The following ARFGAP3 variants were observed in gnomAD, a reference collection of about 807,000 sequenced individuals.
ARFGAP3 encodes the protein ARF GTPase activating protein 3.
A neutral mutation model predicts 75.0 loss-of-function variants in ARFGAP3; 72 were observed. The ratio of observed to expected loss-of-function variants is 0.96; its 90% CI spans 0.79 to 1.17. The LOEUF (loss-of-function observed/expected upper bound fraction) is 1.17, where lower values mean the gene tolerates loss of function less well. ARFGAP3 is among the 50% of genes most tolerant of loss of function. ARFGAP3 has a pLI of 0.00. For missense variants in ARFGAP3, 620 were observed against 626.6 expected, an observed-to-expected ratio of 0.99 and a Z score of 0.11; for synonymous variants, 221 against 217.9, an observed-to-expected ratio of 1.01 and a Z score of -0.13.
intron 14 of ARFGAP3, among the ~76,000 whole-genome samples, chr22:42,801,076 CAGGT>C (rs138986093): frequency 0.034 from 5,238 of 152,226 alleles, 287 homozygotes; most frequent in African/African-American, 0.12. Context: ...AGAGCAAACT[CAGGT>C]AGACAGCTGG....
At chr22:42,842,206 T>C (rs1257246407) in intron 2 of ARFGAP3, among the ~76,000 whole-genome samples, 2 of 151,792 alleles carry the variant, frequency 1.3e-5, no homozygotes, top group South Asian at 2.1e-4. Context: ...GGTTTCTTCA[T>C]GTTGGTCAGG....
chr22:42,841,042 G>A, intron 2 of ARFGAP3, 26 bp from the exon 3 acceptor site: 1 of 1,606,078 alleles, frequency 6.2e-7, no homozygotes, highest in Non-Finnish European at 8.5e-7. Flanking sequence ...ATTACTAACT[G>A]TTAATATTTT....
rs1926755914 is a variant in ARFGAP3, at chr22:42,840,964, C to T, written c.241G>A (p.Val81Ile). 1.9e-6 allele frequency: 3 copies of T among 1,614,064 alleles called. No individual in the cohort carries two copies. The highest frequency in any genetic ancestry group is 2.2e-5 in the East Asian group (1 of 44,902). ...CTTACTGCACTAGCGTTTCCTCCGA[C>T]TTGCATGCATCGCAACTGAAACCAT... ...WSWFQLRCMQ[V>I]GGNASASSFF... Residue 81 changes from valine (V) to isoleucine (I), a missense_variant, in exon 3 of 16, where the codon GTC becomes ATC. Val to Ile is a conservative substitution (Grantham distance 29, BLOSUM62 3). Transcript: ENST00000263245.
At chr22:42,842,974 C>A (rs569567403) in intron 2 of ARFGAP3, among the ~76,000 whole-genome samples, 1 of 152,146 alleles carries the variant, frequency 6.6e-6, no homozygotes, top group South Asian at 2.1e-4. Flanking sequence ...ACACCCTGTA[C>A]GGCAGGTCCT....
intron 14 of ARFGAP3, among the ~76,000 whole-genome samples, chr22:42,804,439 C>T (rs1437128556): frequency 8.8e-5 from 12 of 136,954 alleles, no homozygotes; most frequent in African/African-American, 1.4e-4. Flanking sequence ...TGGAGTGCAG[C>T]GGTGTGATCT....
intron 9 of ARFGAP3, among the ~76,000 whole-genome samples, chr22:42,820,481 C>A (rs149194906): frequency 2.0e-5 from 3 of 152,152 alleles, no homozygotes; most frequent in Non-Finnish European, 4.4e-5. Flanking sequence ...TAAGACAGTA[C>A]GAAAAGTAGT....
chr22:42,834,119 G>T, intron 5 of ARFGAP3, 123 bp downstream of exon 5: 1 of 855,622 alleles, frequency 1.2e-6, no homozygotes, highest in Non-Finnish European at 1.9e-6. Context: ...TCTCTCTTCA[G>T]TAGTTATGTT....
At chr22:42,820,191 A>T (rs1468129619) in intron 9 of ARFGAP3, among the ~76,000 whole-genome samples, 1 of 152,230 alleles carries the variant, frequency 6.6e-6, no homozygotes, top group African/African-American at 2.4e-5. Flanking sequence ...ATCTGGACAG[A>T]GCCTACTCCC....
chr22:42,804,055 CA>C (rs1321463844), intron 14 of ARFGAP3, among the ~76,000 whole-genome samples: 2 of 151,596 alleles, frequency 1.3e-5, no homozygotes, highest in African/African-American at 4.9e-5. Flanking sequence ...AGGTGTGCAC[CA>C]CCATGCCTGG....
chr22:42,834,464 C>T, intron 4 of ARFGAP3, 139 bp from the exon 5 acceptor site: 9 of 1,435,878 alleles, frequency 6.3e-6, no homozygotes, highest in Non-Finnish European at 8.3e-6. Flanking sequence ...AACATCCCTA[C>T]AGAGGACCTC....
chr22:42,841,865 C>CT (rs5845565), intron 2 of ARFGAP3, among the ~76,000 whole-genome samples: 7,077 of 137,722 alleles, frequency 0.051, 194 homozygotes, highest in African/African-American at 0.057. Flanking sequence ...TTACTAATTT[C>CT]TTTTTTTTTT....
intron 3 of ARFGAP3, among the ~76,000 whole-genome samples, chr22:42,839,972 C>T (rs9611930): frequency 0.37 from 55,861 of 151,990 alleles, 11,145 homozygotes; most frequent in Non-Finnish European, 0.45. Flanking sequence ...ACTCTATCAA[C>T]CAGGCTGGAG....
rs1194080131 is a variant in ARFGAP3 at position 42,857,163 on chromosome 22, T to C, written c.20A>G (p.Gln7Arg). Residue 7 changes from glutamine (Q) to arginine (R), a missense_variant, in exon 1 of 16, where the codon CAG becomes CGG. Gln to Arg is a conservative substitution (Grantham distance 43). Transcript: ENST00000263245. MGDPSKQDILTIFKRLR... is the reference protein window; with the variant it reads MGDPSKRDILTIFKRLR... ...GCGCTTGAAGATGGTCAAGATGTCC[T>C]GCTTGCTGGGGTCCCCCATCGTCAG... 5 of 1,516,772 alleles carry C rather than the reference T, an allele frequency of 3.3e-6. No homozygotes were observed. Among genetic ancestry groups the C allele is most frequent in the African/African-American group, 1.4e-5 (1 of 69,702 alleles). 94.0% of individuals were successfully genotyped at this position (1,516,772 alleles called of 1,614,324 possible). A position where few individuals can be genotyped will look rare whatever the true frequency, so the allele number is the denominator to read the frequency against.
At chr22:42,821,666 G>A (rs1026445466) in intron 9 of ARFGAP3, among the ~76,000 whole-genome samples, 2 of 152,120 alleles carry the variant, frequency 1.3e-5, no homozygotes, top group African/African-American at 2.4e-5. Flanking sequence ...TTGGCTATTA[G>A]GATTAACGCC....
intron 9 of ARFGAP3, among the ~76,000 whole-genome samples, chr22:42,821,582 T>C (rs1282303544): frequency 2.0e-5 from 3 of 152,262 alleles, no homozygotes; most frequent in Non-Finnish European, 2.9e-5. Flanking sequence ...GGCTGAGTAA[T>C]AGTCCATTGT....
chr22:42,817,206 T>C lies in ARFGAP3; in HGVS notation c.1000A>G (p.Met334Val). The change falls in exon 11 of 16, where the codon ATG becomes GTG. Residue 334 changes from methionine to valine, a missense_variant. Physicochemically the swap from Met to Val is conservative, Grantham distance 21. Coordinates refer to ENST00000263245, the MANE Select transcript of ARFGAP3 (RefSeq NM_014570.5). ...MQTIEQESPIMAKPRKKYNDD... is the reference protein window; with the variant it reads ...MQTIEQESPIVAKPRKKYNDD... Reference sequence around the variant, plus strand: ...TTATACTTTTTTCTTGGTTTTGCCATAATGGGTGATTCCTGCTCTATGGTC... The same window carrying C: ...TTATACTTTTTTCTTGGTTTTGCCACAATGGGTGATTCCTGCTCTATGGTC... The C allele has an allele frequency of 6.2e-7, 1 of 1,613,780 alleles. No homozygotes were observed. The highest frequency in any genetic ancestry group is 8.5e-7 in the Non-Finnish European group (1 of 1,179,830).
At chr22:42,837,588 C>G (rs979313659) in intron 3 of ARFGAP3, among the ~76,000 whole-genome samples, 1 of 145,184 alleles carries the variant, frequency 6.9e-6, no homozygotes, top group Non-Finnish European at 1.5e-5. Context: ...CCACTGCACT[C>G]CAGCCTAGGC....
chr22:42,799,071 C>CG lies in ARFGAP3; in HGVS notation c.1500dup (p.Val501ArgfsTer4). On this transcript the variant is annotated frameshift_variant, in exon 15 of 16. Coordinates refer to ENST00000263245, the MANE Select transcript of ARFGAP3 (RefSeq NM_014570.5). LOFTEE classifies it high-confidence loss of function. ...GAAGTCACGACTCCATTAGCAAAGA[C>CG]GGAGAGTTTTCCAGCAACCGATCTC... 6.2e-7 allele frequency: 1 copy of CG among 1,614,170 alleles called. No individual in the cohort carries two copies. The highest frequency in any genetic ancestry group is 8.5e-7 in the Non-Finnish European group (1 of 1,180,042).
intron 14 of ARFGAP3, among the ~76,000 whole-genome samples, chr22:42,802,326 C>A (rs142894847): frequency 2.1e-3 from 318 of 151,950 alleles, no homozygotes; most frequent in African/African-American, 7.1e-3. Flanking sequence ...CGCTGTGTCA[C>A]CCAGACTGGA....
Sources: gnomAD v4.1 joint callset for allele counts (sites outside exome capture counted in the v4.1 genomes callset) on GRCh38, gnomAD v4.1.1 for gene constraint, MANE v1.5 for transcripts, NCBI Gene and HGNC (gene_info 2026-07-23, HGNC 2026-07-21) for gene names.